The following MTF1 variants were observed in gnomAD, a reference collection of about 807,000 sequenced individuals.
The protein encoded by MTF1 is MRE-binding transcription factor.
A neutral mutation model predicts 70.4 loss-of-function variants in MTF1; 22 were observed. The ratio of observed to expected loss-of-function variants is 0.31; its 90% CI spans 0.22 to 0.45. The LOEUF (loss-of-function observed/expected upper bound fraction) is 0.45, where lower values mean the gene tolerates loss of function less well. MTF1 is among the 20% of genes least tolerant of loss of function. MTF1 has a pLI of 1.00. For missense variants in MTF1, 649 were observed against 922.0 expected (o/e 0.70, Z 3.83); for synonymous variants, 333 against 352.8 (o/e 0.94, Z 0.63).
intron 7 of MTF1, among the ~76,000 whole-genome samples, chr1:37,824,065 G>A (rs1640963995): frequency 6.6e-6 from 1 of 152,006 alleles, no homozygotes; most frequent in African/African-American, 2.4e-5. Context: ...GGCTGGTCTT[G>A]AACTCCTGGG....
chr1:37,831,800 A>C (rs910237082), intron 7 of MTF1, among the ~76,000 whole-genome samples: 14 of 152,186 alleles, frequency 9.2e-5, no homozygotes, highest in Non-Finnish European at 1.9e-4. Flanking sequence ...AAAATAAATA[A>C]ATAAAATTAA....
At chr1:37,849,463 T>G (rs1281358618) in intron 2 of MTF1, among the ~76,000 whole-genome samples, 1 of 152,034 alleles carries the variant, frequency 6.6e-6, no homozygotes, top group African/African-American at 2.4e-5. Flanking sequence ...ACTGTGCTTG[T>G]TGGTAGAAAA....
At chr1:37,841,858 G>A (rs1641259213) in intron 2 of MTF1, among the ~76,000 whole-genome samples, 1 of 152,082 alleles carries the variant, frequency 6.6e-6, no homozygotes, top group Admixed American at 6.6e-5. Context: ...GCAAGACCCT[G>A]TCTCTACCAA....
rs192880999 is a variant in MTF1 at position 37,853,079 on chromosome 1, A to C, written c.408+4172T>G. On this transcript the variant is annotated intron_variant, in intron 2 of 10. Transcript: ENST00000373036. Reference sequence around the variant, plus strand: ...TTTCTTCAGATTTAAATGAAACCCCAAACATAAACTACAACTGTCTCCTAA... The same window carrying C: ...TTTCTTCAGATTTAAATGAAACCCCCAACATAAACTACAACTGTCTCCTAA... 2.0e-4 allele frequency among the ~76,000 whole-genome samples: 31 copies of C among 152,306 alleles called. No homozygotes were observed. The East Asian group carries it at 5.2e-3, about 26-fold the overall frequency.
chr1:37,840,225 G>T lies in MTF1; in HGVS notation c.409-67C>A. On this transcript the variant is annotated intron_variant, in intron 2 of 10. Transcript: ENST00000373036. The surrounding 1 kb of genome is among the most constrained non-coding windows in gnomAD (Gnocchi z 4.5). ...GCCCAGGGCTTAACTCCCCCACCCA[G>T]AGCTCAGCTCCCAAGAGATGCTGTG... 7.1e-7 allele frequency: 1 copy of T among 1,406,218 alleles called. No individual in the cohort carries two copies. The highest frequency in any genetic ancestry group is 1.0e-6 in the Non-Finnish European group (1 of 996,682). The allele number at this position is 1,406,218 out of a possible 1,614,324, so 87.1% of individuals were successfully genotyped here. A position where few individuals can be genotyped will look rare whatever the true frequency, so the allele number is the denominator to read the frequency against.
At chr1:37,845,772 T>C (rs1462814451) in intron 2 of MTF1, among the ~76,000 whole-genome samples, 1 of 152,130 alleles carries the variant, frequency 6.6e-6, no homozygotes, top group African/African-American at 2.4e-5. Context: ...TCCCAGAGTA[T>C]TGGAATTACA....
chr1:37,838,764 A>G lies in MTF1; in HGVS notation c.648-8T>C, dbSNP rs775722557. On this transcript the variant is annotated splice_region_variant and splice_polypyrimidine_tract_variant and intron_variant, in intron 3 of 10. Transcript: ENST00000373036. ...CTCTGATGTGCTTTCAGCCTGCAAA[A>G]TATTCCAGAAAAATTCCCTTTGTCA... The G allele has an allele frequency of 1.2e-5, 17 of 1,440,210 alleles. 1 individual carries two copies. In the South Asian group the frequency reaches 2.0e-4, roughly 17 times the overall value. The allele number at this position is 1,440,210 out of a possible 1,614,324, so 89.2% of individuals were successfully genotyped here. A position where few individuals can be genotyped will look rare whatever the true frequency, so the allele number is the denominator to read the frequency against.
At position 37,813,911 on chromosome 1, in the gene MTF1, A is replaced by T. The variant is rs1640774401; in HGVS notation, c.*1225T>A. ...TGAAACATTCCAAATGAGATAACTT[A>T]TTGCAACATTTCAGGCTTTTTGGTG... On this transcript the variant is annotated 3_prime_UTR_variant, in exon 11 of 11. Coordinates refer to ENST00000373036, the MANE Select transcript of MTF1 (RefSeq NM_005955.3). 6.6e-6 allele frequency: 1 copy of T among 152,308 alleles called. No homozygotes were observed. Among genetic ancestry groups the T allele is most frequent in the Non-Finnish European group, 1.5e-5 (1 of 68,004 alleles). The allele number at this position is 152,308 out of a possible 1,614,324, so 9.4% of individuals were successfully genotyped here.
rs1640741386 is a variant in MTF1 at position 37,811,811 on chromosome 1, G to T, written c.*3325C>A. ...AGGCCCCTCCTGGGCTTTGTACCAT[G>T]ATCTCCTTCTAAACGGAGGTGGAAT... On this transcript the variant is annotated 3_prime_UTR_variant, in exon 11 of 11. Transcript: ENST00000373036. 1 of 152,574 alleles carries T rather than the reference G, an allele frequency of 6.6e-6. No individual in the cohort carries two copies. Among genetic ancestry groups the T allele is most frequent in the Admixed American group, 6.5e-5 (1 of 15,288 alleles). 9.5% of individuals were successfully genotyped at this position (152,574 alleles called of 1,614,324 possible).
At chr1:37,850,072 C>T (rs1641392414) in intron 2 of MTF1, among the ~76,000 whole-genome samples, 1 of 151,114 alleles carries the variant, frequency 6.6e-6, no homozygotes, top group South Asian at 2.1e-4. Context: ...CCCTCTCTAC[C>T]AAAACAACCA....
chr1:37,837,341 G>A (rs1641185478), intron 4 of MTF1, among the ~76,000 whole-genome samples: 1 of 152,058 alleles, frequency 6.6e-6, no homozygotes, highest in Admixed American at 6.6e-5. Flanking sequence ...ACAGACATAA[G>A]CCCAGCCCAC....
At position 37,815,989 on chromosome 1, in the gene MTF1, C is replaced by G. The variant is rs567114678; in HGVS notation, c.1832-423G>C. 2.0e-5 allele frequency among the ~76,000 whole-genome samples: 3 copies of G among 152,164 alleles called. No individual in the cohort carries two copies. The highest frequency in any genetic ancestry group is 4.4e-5 in the Non-Finnish European group (3 of 68,034). On this transcript the variant is annotated intron_variant, in intron 10 of 10. Transcript: ENST00000373036. This position sits in a 1 kb window ranked among gnomAD's most constrained non-coding sequence, Gnocchi z 4.5. ...TCTTTCAAGACCTAGCTCACTCCCC[C>G]ACTCTCTGTAGGCCTATGCAGAGGA...
intron 9 of MTF1, among the ~76,000 whole-genome samples, chr1:37,820,080 T>G (rs1408958008): frequency 6.6e-6 from 1 of 150,552 alleles, no homozygotes; most frequent in African/African-American, 2.5e-5. Context: ...AAAAACCACA[T>G]GGAGGCGGGC....
intron 10 of MTF1, 134 bp downstream of exon 10, chr1:37,817,285 T>C: frequency 1.4e-6 from 1 of 704,630 alleles, no homozygotes; most frequent in Non-Finnish European, 2.5e-6. Context: ...TAGCCAACAA[T>C]ACAATGTGAA....
chr1:37,820,651 A>G (rs966234254), intron 9 of MTF1, among the ~76,000 whole-genome samples: 1 of 152,250 alleles, frequency 6.6e-6, no homozygotes, highest in African/African-American at 2.4e-5. Context: ...AGGACAAGGA[A>G]TTTTAAAAAA....
At chr1:37,839,865 C>T in intron 3 of MTF1, 55 bp downstream of exon 3, 1 of 1,391,358 alleles carries the variant, frequency 7.2e-7, no homozygotes, top group Non-Finnish European at 1.0e-6. Context: ...AAGAGCTCTG[C>T]CATCACAACA....
intron 2 of MTF1, among the ~76,000 whole-genome samples, chr1:37,856,074 C>T (rs1557600636): frequency 6.6e-6 from 1 of 152,062 alleles, no homozygotes; most frequent in Admixed American, 6.6e-5. Context: ...TTCAAAACAT[C>T]CTGACATGCA....
intron 1 of MTF1, 72 bp downstream of exon 1, chr1:37,859,459 T>G: frequency 2.5e-6 from 1 of 398,580 alleles, no homozygotes. Flanking sequence ...GGGAAATGCT[T>G]CAGGAGGGAG....
At position 37,809,777 on chromosome 1, in the gene MTF1, C is replaced by T. The variant is rs1217356074; in HGVS notation, c.*5359G>A. ...TCTTTTTTGGGTTTGGAGGTTTCTTCCTTTGGAAGTACTGAACCTGTAACG... is the reference window on the plus strand; with the variant it reads ...TCTTTTTTGGGTTTGGAGGTTTCTTTCTTTGGAAGTACTGAACCTGTAACG... On this transcript the variant is annotated 3_prime_UTR_variant, in exon 11 of 11. Transcript: ENST00000373036. The T allele has an allele frequency of 6.6e-6, 1 of 152,620 alleles. No individual in the cohort carries two copies. The highest frequency in any genetic ancestry group is 1.9e-4 in the East Asian group (1 of 5,194). The allele number at this position is 152,620 out of a possible 1,614,324, so 9.5% of individuals were successfully genotyped here.
Sources: gnomAD v4.1 joint callset for allele counts (sites outside exome capture counted in the v4.1 genomes callset) on GRCh38, gnomAD v4.1.1 for gene constraint, Gnocchi (gnomAD v3.1) non-coding constraint, MANE v1.5 for transcripts, NCBI Gene and HGNC (gene_info 2026-07-23, HGNC 2026-07-21) for gene names.